Variants in KCNH8 observed in about 807,000 individuals in gnomAD.
The protein encoded by KCNH8 is potassium voltage-gated channel subfamily H member 8, also known as voltage-gated delayed rectifier potassium channel KCNH8.
A neutral mutation model predicts 103.6 loss-of-function variants in KCNH8; 70 were observed. That is an observed-to-expected ratio of 0.68 (90% CI 0.56 to 0.82). The LOEUF is 0.82. Ranked by LOEUF, KCNH8 falls within the 40% of genes least tolerant of loss-of-function variation. The pLI, the probability that KCNH8 is intolerant of heterozygous loss-of-function variation, is 0.00. For missense variants in KCNH8, 1,217 were observed against 1,329.9 expected, an observed-to-expected ratio of 0.92 and a Z score of 1.32; for synonymous variants, 498 against 489.4, an observed-to-expected ratio of 1.02 and a Z score of -0.23.
At chr3:19,525,302 G>C (rs899236237) in intron 15 of KCNH8, among the ~76,000 whole-genome samples, 2 of 151,870 alleles carry the variant, frequency 1.3e-5, no homozygotes, top group Non-Finnish European at 1.5e-5. Flanking sequence ...ATCAACTTGA[G>C]CTTATTAGAA....
At chr3:19,419,489 C>T (rs535912403) in intron 7 of KCNH8, among the ~76,000 whole-genome samples, 3 of 152,106 alleles carry the variant, frequency 2.0e-5, no homozygotes, top group Admixed American at 6.5e-5. Flanking sequence ...CGTGAGCCAC[C>T]GCGCCCGGCC....
chr3:19,213,069 A>AG (rs1288282466), intron 1 of KCNH8, among the ~76,000 whole-genome samples: 1 of 152,168 alleles, frequency 6.6e-6, no homozygotes, highest in African/African-American at 2.4e-5. Context: ...GATGGCTTTG[A>AG]GCTTGGAGAT....
intron 11 of KCNH8, among the ~76,000 whole-genome samples, chr3:19,497,457 T>G (rs865800208): frequency 6.6e-6 from 1 of 152,216 alleles, no homozygotes; most frequent in Non-Finnish European, 1.5e-5. Context: ...TTGTTCTTAT[T>G]AGTTTCAAAT....
chr3:19,436,343 G>A (rs1411662904), intron 7 of KCNH8, among the ~76,000 whole-genome samples: 3 of 152,048 alleles, frequency 2.0e-5, no homozygotes, highest in African/African-American at 7.2e-5. Context: ...TTAGAGACAT[G>A]AGTTTCTCCA....
At chr3:19,336,821 T>A (rs1467666177) in intron 3 of KCNH8, among the ~76,000 whole-genome samples, 2 of 151,960 alleles carry the variant, frequency 1.3e-5, no homozygotes, top group African/African-American at 2.4e-5. Context: ...AAGTGCTCTG[T>A]TTTTTTAAAA....
intron 11 of KCNH8, among the ~76,000 whole-genome samples, chr3:19,499,029 T>A (rs1387638792): frequency 1.3e-5 from 2 of 151,980 alleles, no homozygotes; most frequent in African/African-American, 2.4e-5. Context: ...GGAAAAGAAG[T>A]TGAGAACTTT....
At chr3:19,176,903 T>G (rs2063405248) in intron 1 of KCNH8, among the ~76,000 whole-genome samples, 1 of 152,118 alleles carries the variant, frequency 6.6e-6, no homozygotes. Context: ...TGTCAAACAA[T>G]CAATACATAA....
chr3:19,442,079 G>T (rs554699896), intron 8 of KCNH8, among the ~76,000 whole-genome samples: 1 of 152,320 alleles, frequency 6.6e-6, no homozygotes, highest in African/African-American at 2.4e-5. Context: ...GTAGCATGCT[G>T]GGGCTGCAGC....
At chr3:19,272,070 G>A (rs1286404707) in intron 2 of KCNH8, among the ~76,000 whole-genome samples, 1 of 152,038 alleles carries the variant, frequency 6.6e-6, no homozygotes, top group Non-Finnish European at 1.5e-5. Context: ...AATTGGAAAG[G>A]TTTTTCCTGG....
At chr3:19,371,845 C>T (rs1207082736) in intron 5 of KCNH8, among the ~76,000 whole-genome samples, 1 of 150,608 alleles carries the variant, frequency 6.6e-6, no homozygotes, top group Non-Finnish European at 1.5e-5. Context: ...GCCAGTTTTC[C>T]CAGCACCATT....
At chr3:19,502,368 A>G (rs1443146631) in intron 11 of KCNH8, among the ~76,000 whole-genome samples, 1 of 150,558 alleles carries the variant, frequency 6.6e-6, no homozygotes, top group African/African-American at 2.4e-5. Flanking sequence ...TACAGATTCA[A>G]TGCCATCCCC....
chr3:19,466,116 A>C (rs772649510), intron 11 of KCNH8, among the ~76,000 whole-genome samples: 32 of 151,816 alleles, frequency 2.1e-4, no homozygotes, highest in Admixed American at 1.3e-4. Context: ...TGTAGAGATG[A>C]GGTCTCGCTA....
intron 12 of KCNH8, 66 bp from the exon 13 acceptor site, chr3:19,512,904 C>A: frequency 1.5e-6 from 2 of 1,375,886 alleles, no homozygotes; most frequent in Non-Finnish European, 2.0e-6. Context: ...AGACCTCCAG[C>A]ATTAATGATA....
intron 11 of KCNH8, among the ~76,000 whole-genome samples, chr3:19,462,690 G>T (rs1316823137): frequency 6.6e-6 from 1 of 152,000 alleles, no homozygotes; most frequent in East Asian, 1.9e-4. Flanking sequence ...CATTGCTTTT[G>T]GTCTTTTAGT....
At chr3:19,526,829 T>C (rs369047706) in intron 15 of KCNH8, among the ~76,000 whole-genome samples, 1 of 151,988 alleles carries the variant, frequency 6.6e-6, no homozygotes, top group Non-Finnish European at 1.5e-5. Flanking sequence ...TTAAGTTCAA[T>C]TGAAAATAAC....
At chr3:19,304,314 T>A (rs950514770) in intron 3 of KCNH8, among the ~76,000 whole-genome samples, 3 of 152,158 alleles carry the variant, frequency 2.0e-5, no homozygotes, top group African/African-American at 4.8e-5. Flanking sequence ...AGCTTCAGTC[T>A]TAAATATGAG....
At chr3:19,207,631 A>T (rs1363685287) in intron 1 of KCNH8, among the ~76,000 whole-genome samples, 1 of 151,996 alleles carries the variant, frequency 6.6e-6, no homozygotes, top group African/African-American at 2.4e-5. Flanking sequence ...TGAGACTCTC[A>T]CGAATAGACA....
At chr3:19,420,807 A>G (rs1467493108) in intron 7 of KCNH8, among the ~76,000 whole-genome samples, 4 of 152,208 alleles carry the variant, frequency 2.6e-5, no homozygotes, top group African/African-American at 9.6e-5. Context: ...GGATTCAGAG[A>G]GTTAGAGATA....
intron 2 of KCNH8, among the ~76,000 whole-genome samples, chr3:19,258,941 C>CTATATATA (rs1559446903): frequency 3.1e-4 from 20 of 64,518 alleles, no homozygotes; most frequent in African/African-American, 5.9e-4. Flanking sequence ...CTCTCTCTCT[C>CTATATATA]TCTCTCTATA....
Sources: allele counts gnomAD v4.1 joint callset (sites outside exome capture counted in the v4.1 genomes callset), GRCh38; gene constraint gnomAD v4.1.1; transcripts MANE v1.5; gene names NCBI Gene and HGNC (gene_info 2026-07-23, HGNC 2026-07-21).